NKAIN2: variants seen among roughly 807,000 people sequenced by gnomAD.
The protein encoded by NKAIN2 is sodium/potassium transporting ATPase interacting 2.
A neutral mutation model predicts 32.6 loss-of-function variants in NKAIN2; 14 were observed. That is an observed-to-expected ratio of 0.43 (90% CI 0.28 to 0.67). The LOEUF is 0.67. NKAIN2 is among the 30% of genes least tolerant of loss of function. The probability of loss-of-function intolerance (pLI) is 0.17; values close to 1 mark genes in which losing one functional copy is unlikely to be tolerated. For missense variants in NKAIN2, 198 were observed against 258.3 expected (o/e 0.77, Z 1.60); for synonymous variants, 80 against 87.2 (o/e 0.92, Z 0.46).
At chr6:124,379,084 C>T (rs1221767777) in intron 3 of NKAIN2, among the ~76,000 whole-genome samples, 1 of 138,214 alleles carries the variant, frequency 7.2e-6, no homozygotes, top group African/African-American at 2.7e-5. Context: ...AGAGCGAAAC[C>T]TTGTCTCAAA....
chr6:124,081,192 T>A (rs112601603), intron 1 of NKAIN2, among the ~76,000 whole-genome samples: 7 of 152,116 alleles, frequency 4.6e-5, no homozygotes, highest in Admixed American at 4.6e-4. Flanking sequence ...CTGAGGAGTT[T>A]TAGTTCTTAT....
chr6:123,948,920 T>C (rs1777202577), intron 1 of NKAIN2, among the ~76,000 whole-genome samples: 1 of 151,960 alleles, frequency 6.6e-6, no homozygotes, highest in Non-Finnish European at 1.5e-5. Context: ...CTTTAATTCA[T>C]CTTGAGTTGG....
At chr6:124,357,865 T>A (rs547494840) in intron 3 of NKAIN2, among the ~76,000 whole-genome samples, 6 of 152,180 alleles carry the variant, frequency 3.9e-5, no homozygotes, top group Non-Finnish European at 8.8e-5. Flanking sequence ...CATGTTGGTG[T>A]GCTGCACCCA....
intron 5 of NKAIN2, among the ~76,000 whole-genome samples, chr6:124,804,848 A>G (rs1292472418): frequency 6.6e-6 from 1 of 152,158 alleles, no homozygotes; most frequent in Non-Finnish European, 1.5e-5. Context: ...TATATGCTGC[A>G]CCTGGCTCCG....
intron 3 of NKAIN2, among the ~76,000 whole-genome samples, chr6:124,558,156 A>G (rs117669854): frequency 5.1e-4 from 78 of 152,346 alleles, no homozygotes; most frequent in Non-Finnish European, 9.3e-4. Context: ...GAAAAACAAT[A>G]GGTGATGAAG....
chr6:123,866,681 C>T (rs1057331923), intron 1 of NKAIN2, among the ~76,000 whole-genome samples: 6 of 152,140 alleles, frequency 3.9e-5, no homozygotes, highest in South Asian at 4.1e-4. Flanking sequence ...CCACCCATCT[C>T]GGCCTTCCAA....
chr6:124,404,009 A>G (rs1773740152), intron 3 of NKAIN2, among the ~76,000 whole-genome samples: 1 of 151,914 alleles, frequency 6.6e-6, no homozygotes, highest in Admixed American at 6.6e-5. Flanking sequence ...GTGTGTTTTT[A>G]TTTTCTATAT....
At chr6:124,387,311 A>G (rs1772946749) in intron 3 of NKAIN2, among the ~76,000 whole-genome samples, 1 of 146,128 alleles carries the variant, frequency 6.8e-6, no homozygotes, top group African/African-American at 2.6e-5. Context: ...TTTTTTTTTT[A>G]ATCACTGTAC....
At chr6:124,172,606 T>TA (rs1343199143) in intron 1 of NKAIN2, among the ~76,000 whole-genome samples, 2 of 152,246 alleles carry the variant, frequency 1.3e-5, no homozygotes, top group Non-Finnish European at 2.9e-5. Context: ...TGGAAGGAAG[T>TA]AAAAAAGTAT....
intron 1 of NKAIN2, among the ~76,000 whole-genome samples, chr6:124,035,103 TATACAGAAATGCAAGAAA>T (rs1240107593): frequency 6.6e-6 from 1 of 152,088 alleles, no homozygotes; most frequent in African/African-American, 2.4e-5. Context: ...ATTATTTTAG[TATACAGAAATGCAAGAAA>T]ATACAGAAAT....
At chr6:123,954,438 T>C (rs1777472237) in intron 1 of NKAIN2, among the ~76,000 whole-genome samples, 1 of 151,990 alleles carries the variant, frequency 6.6e-6, no homozygotes, top group African/African-American at 2.4e-5. Context: ...ATTGGGGAGC[T>C]CCCCCCAAAT....
chr6:124,663,557 C>CA (rs1772604101), intron 4 of NKAIN2, among the ~76,000 whole-genome samples: 1 of 152,078 alleles, frequency 6.6e-6, no homozygotes, highest in Non-Finnish European at 1.5e-5. Context: ...AATATTATTT[C>CA]AAAAAACATA....
At chr6:124,660,284 T>C (rs1784699259) in intron 4 of NKAIN2, among the ~76,000 whole-genome samples, 1 of 152,214 alleles carries the variant, frequency 6.6e-6, no homozygotes, top group South Asian at 2.1e-4. Context: ...GATATTTATA[T>C]ATGACTATTT....
At chr6:123,957,966 T>C (rs2114603802) in intron 1 of NKAIN2, among the ~76,000 whole-genome samples, 2 of 152,312 alleles carry the variant, frequency 1.3e-5, no homozygotes, top group East Asian at 3.9e-4. Context: ...GACTATGTTT[T>C]ATGGAAAGAA....
chr6:124,536,634 G>GT (rs1162679850), intron 3 of NKAIN2, among the ~76,000 whole-genome samples: 1 of 152,046 alleles, frequency 6.6e-6, no homozygotes, highest in Non-Finnish European at 1.5e-5. Flanking sequence ...AGAATTTATC[G>GT]TAAGGATGCA....
chr6:124,550,497 C>T (rs538488723), intron 3 of NKAIN2, among the ~76,000 whole-genome samples: 3 of 152,234 alleles, frequency 2.0e-5, no homozygotes, highest in East Asian at 3.9e-4. Flanking sequence ...CTCCAAAGGG[C>T]CCTGGTTACT....
intron 3 of NKAIN2, among the ~76,000 whole-genome samples, chr6:124,469,173 A>G (rs488367): frequency 0.73 from 110,346 of 152,066 alleles, 40,155 homozygotes; most frequent in East Asian, 0.78. Flanking sequence ...GATTTTAGTA[A>G]TTTATCAGAG....
At chr6:123,907,284 A>G (rs886471981) in intron 1 of NKAIN2, among the ~76,000 whole-genome samples, 30 of 152,136 alleles carry the variant, frequency 2.0e-4, no homozygotes, top group African/African-American at 7.0e-4. Context: ...ATTTTTTCAG[A>G]TAAATTGAAA....
At chr6:124,467,055 C>A (rs1776788552) in intron 3 of NKAIN2, among the ~76,000 whole-genome samples, 1 of 151,964 alleles carries the variant, frequency 6.6e-6, no homozygotes, top group South Asian at 2.1e-4. Context: ...ATAATAAACA[C>A]AAAGTGAGGA....
Sources: allele counts gnomAD v4.1 joint callset (sites outside exome capture counted in the v4.1 genomes callset), GRCh38; gene constraint gnomAD v4.1.1; transcripts MANE v1.5; gene names NCBI Gene and HGNC (gene_info 2026-07-23, HGNC 2026-07-21).